CCDC186: variants seen among roughly 807,000 people sequenced by gnomAD.
The protein encoded by CCDC186 is coiled-coil domain containing 186, also known as coiled-coil domain-containing protein 186.
Under a neutral mutation model 113.7 loss-of-function variants are expected in CCDC186, and 49 were observed. The ratio of observed to expected loss-of-function variants is 0.43; its 90% CI spans 0.34 to 0.55. The LOEUF is 0.55. CCDC186 is among the 20% of genes least tolerant of loss of function. The pLI, the probability that CCDC186 is intolerant of heterozygous loss-of-function variation, is 0.02. For synonymous variants in CCDC186, 355 were observed against 345.8 expected (o/e 1.03, Z -0.30); for missense variants, 890 against 1,011.1 (o/e 0.88, Z 1.62).
chr10:114,128,882 T>C (rs1337287524), intron 13 of CCDC186, among the ~76,000 whole-genome samples: 2 of 152,210 alleles, frequency 1.3e-5, no homozygotes, highest in African/African-American at 4.8e-5. Flanking sequence ...CTTCATTTGT[T>C]CTTGGGTGTT....
At position 114,132,036 on chromosome 10, in the gene CCDC186, G is replaced by C; in HGVS notation, c.1804C>G (p.Leu602Val). The change falls in exon 11 of 16, where the codon CTT (leucine) becomes GTT (valine). Residue 602 changes from leucine (L) to valine (V), a missense_variant. Leu to Val is a conservative substitution (Grantham distance 32). Coordinates refer to ENST00000369287, the MANE Select transcript of CCDC186 (RefSeq NM_018017.4). The stretch of plus-strand genomic sequence containing the variant: ...TGCAAAGAATTGGATTCAGACTGAA[G>C]CTGTGCATTCTTACTAGTGAGCCTT... ...TERLTSKNAQLQSESNSLQSQ... is the reference protein window; with the variant it reads ...TERLTSKNAQVQSESNSLQSQ... 6.2e-7 allele frequency: 1 copy of C among 1,613,448 alleles called. No homozygotes were observed. The highest frequency in any genetic ancestry group is 1.3e-5 in the African/African-American group (1 of 75,026).
At chr10:114,149,422 G>A (rs2031742972) in intron 4 of CCDC186, among the ~76,000 whole-genome samples, 1 of 151,962 alleles carries the variant, frequency 6.6e-6, no homozygotes, top group African/African-American at 2.4e-5. Context: ...TTAGGAAGGG[G>A]GTAAAATGTT....
intron 2 of CCDC186, among the ~76,000 whole-genome samples, chr10:114,158,638 T>C (rs1170326495): frequency 6.6e-6 from 1 of 150,784 alleles, no homozygotes; most frequent in South Asian, 2.1e-4. Context: ...ATCCCAGGAG[T>C]TCCAGGCTGC....
At chr10:114,159,557 C>A (rs1047193951) in intron 2 of CCDC186, among the ~76,000 whole-genome samples, 8 of 147,276 alleles carry the variant, frequency 5.4e-5, no homozygotes, top group Admixed American at 6.9e-5. Context: ...GCAGGAAAAT[C>A]GCTTGAACCT....
intron 5 of CCDC186, 107 bp downstream of exon 5, chr10:114,145,442 G>A (rs117310375): frequency 0.02 from 20,313 of 1,017,236 alleles, 289 homozygotes; most frequent in Middle Eastern, 0.042. Context: ...ACAACTTTAC[G>A]TTTGAGTGTT....
At chr10:114,158,640 C>G (rs1012488009) in intron 2 of CCDC186, among the ~76,000 whole-genome samples, 9 of 151,452 alleles carry the variant, frequency 5.9e-5, no homozygotes, top group African/African-American at 2.2e-4. Context: ...CCCAGGAGTT[C>G]CAGGCTGCAG....
chr10:114,126,180 T>A, intron 14 of CCDC186, 75 bp from the exon 15 acceptor site: 1 of 1,097,820 alleles, frequency 9.1e-7, no homozygotes. Flanking sequence ...AGTCAACTAA[T>A]CATAAAGATA....
intron 2 of CCDC186, among the ~76,000 whole-genome samples, chr10:114,158,920 C>T (rs938682247): frequency 6.6e-6 from 1 of 152,124 alleles, no homozygotes; most frequent in African/African-American, 2.4e-5. Flanking sequence ...AGCAAATAGT[C>T]CCTGCCCTCG....
At chr10:114,143,114 T>C (rs183753106) in intron 6 of CCDC186, among the ~76,000 whole-genome samples, 1 of 152,348 alleles carries the variant, frequency 6.6e-6, no homozygotes, top group Admixed American at 6.5e-5. Context: ...CAAGTCAATA[T>C]GCTTGTTCAT....
At chr10:114,126,178 A>C (rs2030895273) in intron 14 of CCDC186, 73 bp from the exon 15 acceptor site, 2 of 1,103,558 alleles carry the variant, frequency 1.8e-6, no homozygotes, top group African/African-American at 3.2e-5. Flanking sequence ...AAAGTCAACT[A>C]ATCATAAAGA....
chr10:114,145,642 AAGT>A lies in CCDC186; in HGVS notation c.1005_1007del (p.Lys335_Leu336delinsAsn). On this transcript the variant is annotated inframe_deletion, in exon 5 of 16. Coordinates refer to ENST00000369287, the MANE Select transcript of CCDC186 (RefSeq NM_018017.4). ...TCTCAAGTTCCTTATTTGCATCTCT[AAGT>A]TTTTTCTCAAGTGTCTCTTTTTCCT... 6.2e-7 allele frequency: 1 copy of A among 1,613,438 alleles called. No individual in the cohort carries two copies. Among genetic ancestry groups the A allele is most frequent in the Non-Finnish European group, 8.5e-7 (1 of 1,179,860 alleles).
At chr10:114,147,866 T>C (rs1171981177) in intron 4 of CCDC186, among the ~76,000 whole-genome samples, 3 of 152,076 alleles carry the variant, frequency 2.0e-5, no homozygotes, top group African/African-American at 7.2e-5. Flanking sequence ...CAAGGAGTCA[T>C]GCCTGTAATC....
At chr10:114,125,787 C>T (rs368897904) in intron 15 of CCDC186, 99 bp downstream of exon 15, 47 of 918,886 alleles carry the variant, frequency 5.1e-5, no homozygotes, top group Non-Finnish European at 6.8e-5. Context: ...GACTGCCTTG[C>T]ATTACAGAAA....
chr10:114,155,053 T>C (rs2031970442), intron 3 of CCDC186, among the ~76,000 whole-genome samples: 1 of 152,184 alleles, frequency 6.6e-6, no homozygotes, highest in Non-Finnish European at 1.5e-5. Context: ...GACCGAAAGA[T>C]TACTTGTTCC....
chr10:114,156,622 G>A (rs1490855581), intron 3 of CCDC186, among the ~76,000 whole-genome samples: 3 of 152,154 alleles, frequency 2.0e-5, no homozygotes, highest in African/African-American at 4.8e-5. Flanking sequence ...AGGTACTCCC[G>A]AGGCTGAGGC....
intron 1 of CCDC186, among the ~76,000 whole-genome samples, chr10:114,172,599 T>C (rs2032527573): frequency 6.6e-6 from 1 of 152,202 alleles, no homozygotes; most frequent in African/African-American, 2.4e-5. Context: ...ACAGGGCCTT[T>C]AAAAAACAAA....
chr10:114,131,355 A>G lies in CCDC186; in HGVS notation c.1912-19T>C. 2.0e-6 allele frequency: 3 copies of G among 1,522,490 alleles called. No homozygotes were observed. Among genetic ancestry groups the G allele is most frequent in the Non-Finnish European group, 2.6e-6 (3 of 1,139,112 alleles). The allele number at this position is 1,522,490 out of a possible 1,614,324, so 94.3% of individuals were successfully genotyped here. Reference sequence around the variant, plus strand: ...TACTTTCCTGAATAGTAAGTAAAACAAAAACCACCAATTTTAGTATGTTTG... The same window carrying G: ...TACTTTCCTGAATAGTAAGTAAAACGAAAACCACCAATTTTAGTATGTTTG... On this transcript the variant is annotated intron_variant, in intron 11 of 15. Coordinates refer to ENST00000369287, the MANE Select transcript of CCDC186 (RefSeq NM_018017.4).
rs1171843656 is a variant in CCDC186 at position 114,132,053 on chromosome 10, G to A, written c.1787C>T (p.Thr596Ile). The A allele has an allele frequency of 6.2e-7, 1 of 1,613,390 alleles. No individual in the cohort carries two copies. Among genetic ancestry groups the A allele is most frequent in the Admixed American group, 1.7e-5 (1 of 59,974 alleles). ...AGACTGAAGCTGTGCATTCTTACTA[G>A]TGAGCCTTTCTGTAAACAGCAGCAG... ...SELLLFTERL[T>I]SKNAQLQSES... Residue 596 changes from threonine (T) to isoleucine (I), a missense_variant, in exon 11 of 16, where the codon ACT (threonine) becomes ATT (isoleucine). Transcript: ENST00000369287.
In CCDC186 at chr10:114,126,063, A is replaced by C. The variant is rs762982011; in HGVS notation, c.2436T>G (p.Leu812=). ...TGTTAAAATCAGATGCCTCTGAAGAAAGTGTGCCTGATTCTTCTCGTAAAA... is the reference window on the plus strand; with the variant it reads ...TGTTAAAATCAGATGCCTCTGAAGACAGTGTGCCTGATTCTTCTCGTAAAA... The part of the protein sequence containing the change: ...SYILREESGT[L]SSEASDFNKV... Residue 812 remains leucine, a synonymous_variant, in exon 15 of 16, where the codon CTT becomes CTG. Coordinates refer to ENST00000369287, the MANE Select transcript of CCDC186 (RefSeq NM_018017.4). 2 of 1,613,910 alleles carry C rather than the reference A, an allele frequency of 1.2e-6. No homozygotes were observed. Among genetic ancestry groups the C allele is most frequent in the African/African-American group, 2.7e-5 (2 of 74,926 alleles).
Sources: allele counts gnomAD v4.1 joint callset (sites outside exome capture counted in the v4.1 genomes callset), GRCh38; gene constraint gnomAD v4.1.1; transcripts MANE v1.5; gene names NCBI Gene and HGNC (gene_info 2026-07-23, HGNC 2026-07-21).